FAM227B: variants seen among roughly 807,000 people sequenced by gnomAD.
FAM227B encodes the protein protein FAM227B.
FAM227B carries 88 observed loss-of-function variants against 73.8 expected under a neutral mutation model. The ratio of observed to expected loss-of-function variants is 1.19; its 90% CI spans 1.00 to 1.42. FAM227B has a LOEUF of 1.42. FAM227B is among the 40% of genes most tolerant of loss of function. FAM227B has a pLI of 0.00. For missense variants in FAM227B, 632 were observed against 590.9 expected, an observed-to-expected ratio of 1.07 and a Z score of -0.72; for synonymous variants, 210 against 190.5, an observed-to-expected ratio of 1.10 and a Z score of -0.84.
At chr15:49,589,722 G>T in intron 4 of FAM227B, 54 bp downstream of exon 4, 1 of 1,139,052 alleles carries the variant, frequency 8.8e-7, no homozygotes, top group Non-Finnish European at 1.3e-6. Context: ...AGACCAGCCT[G>T]GGAAACATAG....
intron 11 of FAM227B, among the ~76,000 whole-genome samples, chr15:49,382,071 A>G (rs982900429): frequency 6.6e-6 from 1 of 152,096 alleles, no homozygotes; most frequent in African/African-American, 2.4e-5. Context: ...AATAAATTAT[A>G]AATATTAAAT....
intron 11 of FAM227B, among the ~76,000 whole-genome samples, chr15:49,468,157 G>T (rs906525585): frequency 6.6e-6 from 1 of 151,948 alleles, no homozygotes; most frequent in Non-Finnish European, 1.5e-5. Flanking sequence ...ATTATTTTTG[G>T]TTAACCAGAC....
chr15:49,331,636 G>A (rs1012316533), intron 15 of FAM227B, 144 bp downstream of exon 15: 3 of 602,716 alleles, frequency 5.0e-6, no homozygotes, highest in Non-Finnish European at 8.9e-6. Context: ...ACATGTGCAT[G>A]TAGATGATTA....
At chr15:49,513,755 T>C (rs529457602) in intron 10 of FAM227B, among the ~76,000 whole-genome samples, 5 of 152,286 alleles carry the variant, frequency 3.3e-5, no homozygotes, top group African/African-American at 1.2e-4. Context: ...CTTTAATCCA[T>C]CTTGAGTTAT....
chr15:49,370,304 A>T (rs1159741344), intron 12 of FAM227B, among the ~76,000 whole-genome samples: 1 of 152,244 alleles, frequency 6.6e-6, no homozygotes, highest in Non-Finnish European at 1.5e-5. Flanking sequence ...TTAATCTGTT[A>T]CAAACCCATG....
rs566178336 is a variant in FAM227B, at chr15:49,356,187, G to A, written c.1271+11261C>T. Among the ~76,000 whole-genome samples the A allele has an allele frequency of 9.9e-4, 151 of 151,784 alleles. 5 individuals are homozygous for A. In the South Asian group the frequency reaches 0.028, roughly 28 times the overall value. ...CTAGGAAGAAACTGCATCAACTAAC[G>A]AGCAAAATAACCAGCTAACATCATA... On this transcript the variant is annotated intron_variant, in intron 13 of 15. Coordinates refer to ENST00000299338, the MANE Select transcript of FAM227B (RefSeq NM_152647.3).
chr15:49,519,018 A>C (rs1262600617), intron 10 of FAM227B, among the ~76,000 whole-genome samples: 1 of 152,238 alleles, frequency 6.6e-6, no homozygotes, highest in African/African-American at 2.4e-5. Flanking sequence ...TGGTAAATAC[A>C]CCTGTTCCAA....
intron 8 of FAM227B, among the ~76,000 whole-genome samples, chr15:49,569,866 C>G (rs2074964716): frequency 6.6e-6 from 1 of 151,976 alleles, no homozygotes; most frequent in Non-Finnish European, 1.5e-5. Context: ...TAAGTGAGAT[C>G]ATGTGATGTT....
At chr15:49,516,202 G>A (rs2152136085) in intron 10 of FAM227B, among the ~76,000 whole-genome samples, 1 of 152,106 alleles carries the variant, frequency 6.6e-6, no homozygotes, top group East Asian at 1.9e-4. Context: ...TTCAGTGACT[G>A]CTCTTCCATT....
intron 11 of FAM227B, among the ~76,000 whole-genome samples, chr15:49,417,483 C>A (rs557281224): frequency 1.3e-5 from 2 of 152,048 alleles, no homozygotes; most frequent in Non-Finnish European, 2.9e-5. Flanking sequence ...GACACATAGA[C>A]CAATGGAACA....
chr15:49,411,201 G>T (rs1035057903), intron 11 of FAM227B, among the ~76,000 whole-genome samples: 4 of 151,802 alleles, frequency 2.6e-5, no homozygotes, highest in African/African-American at 9.7e-5. Context: ...TATCACCAGG[G>T]TAATAGCATA....
chr15:49,422,633 G>T, intron 11 of FAM227B: 1 of 1,093,372 alleles, frequency 9.1e-7, no homozygotes, highest in Non-Finnish European at 1.3e-6. Context: ...TGAGACTCTG[G>T]AACAGCAGGT....
intron 10 of FAM227B, among the ~76,000 whole-genome samples, chr15:49,537,308 C>T (rs900031504): frequency 2.0e-5 from 3 of 151,852 alleles, no homozygotes; most frequent in Non-Finnish European, 4.4e-5. Context: ...TGAAAAGACA[C>T]AGAAGTATAT....
intron 5 of FAM227B, among the ~76,000 whole-genome samples, chr15:49,583,899 C>T (rs1238334558): frequency 6.6e-6 from 1 of 152,070 alleles, no homozygotes. Flanking sequence ...AAGCCCACGA[C>T]CAGATAAATT....
Position 49,438,188 on chromosome 15 carries a change from CT to C in FAM227B, c.1013-66790del, listed in dbSNP as rs376907682. On this transcript the variant is annotated intron_variant, in intron 11 of 15. Coordinates refer to ENST00000299338, the MANE Select transcript of FAM227B (RefSeq NM_152647.3). ...GAAAGTTGTTTTAGGGAATATGAAG[CT>C]TTACCCATAGGCTATAAGGAGCCAT... 2.2e-4 allele frequency among the ~76,000 whole-genome samples: 33 copies of C among 151,778 alleles called. No individual in the cohort carries two copies. In the East Asian group the frequency reaches 3.9e-3, roughly 18 times the overall value.
At chr15:49,599,847 TTTTC>T (rs750209449) in intron 3 of FAM227B, among the ~76,000 whole-genome samples, 4 of 152,174 alleles carry the variant, frequency 2.6e-5, no homozygotes, top group Admixed American at 6.5e-5. Context: ...TCCTGGAGAA[TTTTC>T]TTTGTGTACT....
intron 3 of FAM227B, among the ~76,000 whole-genome samples, chr15:49,601,009 T>A (rs1187612605): frequency 7.0e-6 from 1 of 142,914 alleles, no homozygotes; most frequent in East Asian, 2.0e-4. Flanking sequence ...GCCATTGCAC[T>A]CCAGCCTGGG....
intron 3 of FAM227B, among the ~76,000 whole-genome samples, chr15:49,600,579 C>T (rs1458899733): frequency 5.4e-5 from 8 of 148,624 alleles, no homozygotes; most frequent in Admixed American, 4.0e-4. Context: ...CTCTTGAACC[C>T]GGGAGGGAGA....
chr15:49,589,132 T>C (rs2076372369), intron 4 of FAM227B, among the ~76,000 whole-genome samples: 1 of 152,164 alleles, frequency 6.6e-6, no homozygotes, highest in Non-Finnish European at 1.5e-5. Context: ...GTAAAAATTA[T>C]CATTACTTGC....
Sources: gnomAD v4.1 joint callset for allele counts (sites outside exome capture counted in the v4.1 genomes callset) on GRCh38, gnomAD v4.1.1 for gene constraint, MANE v1.5 for transcripts, NCBI Gene and HGNC (gene_info 2026-07-23, HGNC 2026-07-21) for gene names.